Variants in SORCS3 observed in about 807,000 individuals in gnomAD.
The protein encoded by SORCS3 is sortilin related VPS10 domain containing receptor 3.
SORCS3 carries 57 observed loss-of-function variants against 146.3 expected under a neutral mutation model. That is an observed-to-expected ratio of 0.39 (90% confidence interval 0.31 to 0.49). The LOEUF is 0.49. SORCS3 is among the 20% of genes least tolerant of loss of function. The pLI is 0.92. For missense variants in SORCS3, 1,341 were observed against 1,575.5 expected, an observed-to-expected ratio of 0.85 and a Z score of 2.52; for synonymous variants, 653 against 618.5, an observed-to-expected ratio of 1.06 and a Z score of -0.83.
intron 5 of SORCS3, among the ~76,000 whole-genome samples, chr10:105,044,819 T>A (rs944307781): frequency 6.6e-6 from 1 of 152,036 alleles, no homozygotes; most frequent in Non-Finnish European, 1.5e-5. Flanking sequence ...GTTTGCCCCT[T>A]ACAGGCCTAC....
intron 1 of SORCS3, among the ~76,000 whole-genome samples, chr10:104,787,017 A>T (rs1229056879): frequency 2.6e-5 from 4 of 152,208 alleles, no homozygotes; most frequent in Admixed American, 2.6e-4. Flanking sequence ...GCTAGGCTCA[A>T]AGTACTCACC....
At chr10:105,160,083 GT>G (rs1256505847) in intron 11 of SORCS3, among the ~76,000 whole-genome samples, 1 of 152,132 alleles carries the variant, frequency 6.6e-6, no homozygotes, top group Non-Finnish European at 1.5e-5. Context: ...ATGTGGATTG[GT>G]TTTTCCAACT....
chr10:104,798,086 G>A (rs955168442), intron 1 of SORCS3, among the ~76,000 whole-genome samples: 2 of 152,118 alleles, frequency 1.3e-5, no homozygotes, highest in Admixed American at 6.5e-5. Flanking sequence ...AAGGACTCAG[G>A]CACTCATCAA....
chr10:105,084,649 C>A (rs1419921266), intron 5 of SORCS3, among the ~76,000 whole-genome samples: 1 of 151,846 alleles, frequency 6.6e-6, no homozygotes, highest in Non-Finnish European at 1.5e-5. Context: ...TTCTTGAATG[C>A]CTATTTGTGC....
intron 2 of SORCS3, among the ~76,000 whole-genome samples, chr10:104,873,649 G>A (rs1230616515): frequency 1.3e-5 from 2 of 152,076 alleles, no homozygotes; most frequent in Non-Finnish European, 2.9e-5. Flanking sequence ...TATTATAATT[G>A]TGGCATATCT....
chr10:104,927,652 G>T (rs1033317758), intron 3 of SORCS3, among the ~76,000 whole-genome samples: 1 of 150,332 alleles, frequency 6.7e-6, no homozygotes, highest in Non-Finnish European at 1.5e-5. Context: ...GCCGAGGCAG[G>T]TGGATCACCT....
chr10:105,038,780 T>C (rs1481733117), intron 4 of SORCS3, among the ~76,000 whole-genome samples: 3 of 152,208 alleles, frequency 2.0e-5, no homozygotes, highest in Admixed American at 1.3e-4. Context: ...TATTTTTAAA[T>C]TAATAATGTC....
intron 14 of SORCS3, among the ~76,000 whole-genome samples, chr10:105,184,903 C>G: frequency 6.6e-6 from 1 of 152,130 alleles, no homozygotes; most frequent in East Asian, 1.9e-4. Flanking sequence ...TGTTATACAT[C>G]AGATTTCTAG....
chr10:104,960,532 C>T (rs1039712605), intron 3 of SORCS3, among the ~76,000 whole-genome samples: 1 of 152,116 alleles, frequency 6.6e-6, no homozygotes, highest in African/African-American at 2.4e-5. Flanking sequence ...ACTGAGCACA[C>T]CAACATGCTA....
intron 5 of SORCS3, among the ~76,000 whole-genome samples, chr10:105,086,784 G>T (rs1311559928): frequency 1.3e-5 from 2 of 152,168 alleles, no homozygotes; most frequent in Non-Finnish European, 2.9e-5. Context: ...AAGAAACAGG[G>T]AGTTGCTTGT....
chr10:104,896,678 T>G (rs771340377), intron 2 of SORCS3, among the ~76,000 whole-genome samples: 12 of 152,214 alleles, frequency 7.9e-5, no homozygotes, highest in Non-Finnish European at 1.8e-4. Flanking sequence ...CTAAGAACAG[T>G]TTTCACATTT....
At chr10:104,933,218 A>G (rs748362368) in intron 3 of SORCS3, among the ~76,000 whole-genome samples, 3 of 152,168 alleles carry the variant, frequency 2.0e-5, no homozygotes, top group Non-Finnish European at 2.9e-5. Context: ...CAGGTTGTTA[A>G]TTCTTTGGTT....
intron 8 of SORCS3, 54 bp downstream of exon 8, chr10:105,139,540 G>A: frequency 7.2e-7 from 1 of 1,396,348 alleles, no homozygotes; most frequent in Non-Finnish European, 1.0e-6. Flanking sequence ...GGGAGGGTTG[G>A]AGAGGCTGCT....
intron 2 of SORCS3, among the ~76,000 whole-genome samples, chr10:104,865,634 A>G (rs1241138789): frequency 6.6e-6 from 1 of 152,240 alleles, no homozygotes; most frequent in Non-Finnish European, 1.5e-5. Flanking sequence ...TTGATGAAGC[A>G]TAGAGAAGTA....
chr10:104,670,141 A>T (rs1440052242), intron 1 of SORCS3, among the ~76,000 whole-genome samples: 1 of 151,910 alleles, frequency 6.6e-6, no homozygotes, highest in Non-Finnish European at 1.5e-5. Context: ...CAGATGTATG[A>T]TTTGCAAATA....
intron 1 of SORCS3, among the ~76,000 whole-genome samples, chr10:104,649,190 T>C (rs2015530439): frequency 6.6e-6 from 1 of 150,866 alleles, no homozygotes; most frequent in Admixed American, 6.7e-5. Flanking sequence ...ACTGGGAACC[T>C]GAAACAGGCC....
chr10:105,008,543 T>G (rs1027425700), intron 4 of SORCS3, among the ~76,000 whole-genome samples: 1 of 152,224 alleles, frequency 6.6e-6, no homozygotes, highest in Non-Finnish European at 1.5e-5. Context: ...AGGTGCTTCA[T>G]AGGCACAATG....
At chr10:104,872,019 T>C (rs997455791) in intron 2 of SORCS3, among the ~76,000 whole-genome samples, 3 of 152,146 alleles carry the variant, frequency 2.0e-5, no homozygotes, top group African/African-American at 7.2e-5. Flanking sequence ...CACTGACCCA[T>C]TGATTCACAA....
Position 104,642,000 on chromosome 10 carries a change from AGGGGAATG to A in SORCS3, c.627+51_627+58del. ...GGGTCCGCCTGTTTCCTGACACCGAAGGGGAATGGGGGGGTGGGTGGGAGCGAGGGACA... is the reference window on the plus strand; with the variant it reads ...GGGTCCGCCTGTTTCCTGACACCGAAGGGGGGTGGGTGGGAGCGAGGGACA... On this transcript the variant is annotated intron_variant, in intron 1 of 26. Transcript: ENST00000369701. This position sits in a 1 kb window ranked among gnomAD's most constrained non-coding sequence, Gnocchi z 6.4. The A allele has an allele frequency of 2.7e-5, 2 of 75,288 alleles. No individual in the cohort carries two copies. Among genetic ancestry groups the A allele is most frequent in the Non-Finnish European group, 2.6e-5 (1 of 38,542 alleles). 4.7% of individuals were successfully genotyped at this position (75,288 alleles called of 1,614,324 possible).
Sources: allele counts gnomAD v4.1 joint callset (sites outside exome capture counted in the v4.1 genomes callset), GRCh38; gene constraint gnomAD v4.1.1; non-coding constraint Gnocchi (gnomAD v3.1); transcripts MANE v1.5; gene names NCBI Gene and HGNC (gene_info 2026-07-23, HGNC 2026-07-21).